Variants in MBNL2 observed in about 807,000 individuals in gnomAD.
MBNL2 encodes muscleblind-like protein 2.
In MBNL2, 17 loss-of-function variants were observed where a neutral mutation model predicts 41.9. The observed-to-expected ratio is 0.41, with a 90% CI of 0.28 to 0.61. The LOEUF is 0.61. MBNL2 is among the 20% of genes least tolerant of loss of function. MBNL2 has a pLI of 0.35. For synonymous variants in MBNL2, 195 were observed against 182.9 expected (o/e 1.07, Z -0.53); for missense variants, 336 against 505.6 (o/e 0.66, Z 3.22).
chr13:97,320,973 G>A (rs998059133), intron 2 of MBNL2, among the ~76,000 whole-genome samples: 2 of 152,060 alleles, frequency 1.3e-5, no homozygotes, highest in African/African-American at 4.8e-5. Flanking sequence ...TTCCCTCTAT[G>A]CATGGATCTC....
chr13:97,318,126 T>C (rs558940651), intron 2 of MBNL2, among the ~76,000 whole-genome samples: 13 of 152,338 alleles, frequency 8.5e-5, no homozygotes, highest in South Asian at 2.1e-4. Context: ...CTCTGTGCCT[T>C]GGTTTCCACA....
Position 97,346,801 on chromosome 13 carries a change from T to C in MBNL2, c.541-3T>C, listed in dbSNP as rs2061921439. 1.2e-6 allele frequency: 2 copies of C among 1,613,392 alleles called. No homozygotes were observed. The highest frequency in any genetic ancestry group is 1.7e-6 in the Non-Finnish European group (2 of 1,179,468). ...GCAGCGCGGCTCTTCTTCCCTGTCT[T>C]AGGTATGCAGGGAGTTCCAGCGAGG... On this transcript the variant is annotated splice_polypyrimidine_tract_variant and splice_region_variant and intron_variant, in intron 4 of 8. Coordinates refer to ENST00000679496, the MANE Select transcript of MBNL2 (RefSeq NM_001382683.1). The surrounding 1 kb of genome is among the most constrained non-coding windows in gnomAD (Gnocchi z 4.2).
At position 97,293,559 on chromosome 13, in the gene MBNL2, T is replaced by C. The variant is rs576910936; in HGVS notation, c.174+17150T>C. Among the ~76,000 whole-genome samples the C allele has an allele frequency of 1.4e-3, 207 of 152,290 alleles. 2 individuals carry two copies. Among genetic ancestry groups the C allele is most frequent in the African/African-American group, 4.9e-3 (203 of 41,578 alleles). The stretch of plus-strand genomic sequence containing the variant: ...TTATCCAAACATTAAATAATTCAAG[T>C]GCTTTGTGCCTGTAATTATTTATTT... On this transcript the variant is annotated intron_variant, in intron 2 of 8. Transcript: ENST00000679496.
chr13:97,362,593 A>T (rs2063502262), intron 7 of MBNL2, among the ~76,000 whole-genome samples: 4 of 152,160 alleles, frequency 2.6e-5, no homozygotes, highest in African/African-American at 9.7e-5. Context: ...GAGGTGTAAG[A>T]TGGCCTGGGG....
At chr13:97,160,708 A>G in the MBNL2 span, among the ~76,000 whole-genome samples, 39 of 152,180 alleles carry the variant, frequency 2.6e-4, no homozygotes, top group African/African-American at 9.2e-4. Flanking sequence ...TTAAGAATAA[A>G]CTCCTTAGAA....
chr13:97,365,676 C>T (rs60997143), intron 8 of MBNL2, among the ~76,000 whole-genome samples: 1 of 152,144 alleles, frequency 6.6e-6, no homozygotes, highest in Non-Finnish European at 1.5e-5. Flanking sequence ...ATTTTAAGTG[C>T]TGATTTATTT....
At chr13:97,149,161 A>G in the MBNL2 span, among the ~76,000 whole-genome samples, 9 of 152,204 alleles carry the variant, frequency 5.9e-5, no homozygotes, top group Admixed American at 5.9e-4. Context: ...GTGATAGGAC[A>G]AGATTCAGCC....
chr13:97,347,008 C>T lies in MBNL2; in HGVS notation c.745C>T (p.His249Tyr). The T allele has an allele frequency of 6.2e-7, 1 of 1,613,522 alleles. No homozygotes were observed. The highest frequency in any genetic ancestry group is 1.1e-5 in the South Asian group (1 of 91,080). The part of the protein sequence containing the change: ...HLQAKIKAAQ[H>Y]QANQAAVAAQ... ...GCAGGCCAAAATCAAAGCTGCGCAG[C>T]ACCAAGCCAACCAAGCTGCGGTGGC... The change falls in exon 5 of 9, where the codon CAC (histidine) becomes TAC (tyrosine). Residue 249 changes from histidine to tyrosine, a missense_variant. By Grantham distance (83) the His-to-Tyr change is moderately conservative (BLOSUM62 2). Coordinates refer to ENST00000679496, the MANE Select transcript of MBNL2 (RefSeq NM_001382683.1).
intron 2 of MBNL2, among the ~76,000 whole-genome samples, chr13:97,286,565 C>A (rs2054489477): frequency 6.6e-6 from 1 of 152,218 alleles, no homozygotes; most frequent in Non-Finnish European, 1.5e-5. Context: ...TGCTCAAAAT[C>A]TTCCAGTAGT....
intron 2 of MBNL2, among the ~76,000 whole-genome samples, chr13:97,301,685 G>C (rs775746771): frequency 6.6e-6 from 1 of 152,156 alleles, no homozygotes; most frequent in Admixed American, 6.5e-5. Flanking sequence ...CGCCAGCCCC[G>C]GGGGAAAGAA....
chr13:97,391,676 G>T lies in MBNL2; in HGVS notation c.*227G>T, dbSNP rs1205884301. 2 of 397,868 alleles carry T rather than the reference G, an allele frequency of 5.0e-6. No homozygotes were observed. The highest frequency in any genetic ancestry group is 4.2e-5 in the African/African-American group (2 of 47,536). 24.6% of individuals were successfully genotyped at this position (397,868 alleles called of 1,614,324 possible). A position where few individuals can be genotyped will look rare whatever the true frequency, so the allele number is the denominator to read the frequency against. On this transcript the variant is annotated 3_prime_UTR_variant, in exon 9 of 9. Coordinates refer to ENST00000679496, the MANE Select transcript of MBNL2 (RefSeq NM_001382683.1). ...TTGTCTTATCTCCATAACTATAGCTGATGCAGAAAGTCCAGCCAGTTTACT... is the reference window on the plus strand; with the variant it reads ...TTGTCTTATCTCCATAACTATAGCTTATGCAGAAAGTCCAGCCAGTTTACT...
the MBNL2 span, among the ~76,000 whole-genome samples, chr13:97,188,815 C>T: frequency 5.3e-5 from 8 of 152,172 alleles, no homozygotes; most frequent in African/African-American, 1.7e-4. Flanking sequence ...CACTGTCATA[C>T]TCCGTTGTCC....
At chr13:97,179,915 C>A in the MBNL2 span, among the ~76,000 whole-genome samples, 1 of 152,286 alleles carries the variant, frequency 6.6e-6, no homozygotes, top group South Asian at 2.1e-4. Flanking sequence ...GCCTTTTGTT[C>A]CCCTTATAGA....
rs11423615 is a variant in MBNL2 at position 97,287,918 on chromosome 13, GTT to G, written c.174+11518_174+11519del. Among the ~76,000 whole-genome samples the G allele has an allele frequency of 7.9e-4, 98 of 124,628 alleles. 2 individuals carry two copies. The highest frequency in any genetic ancestry group is 3.3e-3 in the African/African-American group (95 of 28,738). 81.8% of individuals were successfully genotyped at this position (124,628 alleles called of 152,430 possible). A position where few individuals can be genotyped will look rare whatever the true frequency, so the allele number is the denominator to read the frequency against. On this transcript the variant is annotated intron_variant, in intron 2 of 8. Transcript: ENST00000679496. ...TGCCACCAGGCCCGGCTAATTTTCT[GTT>G]TTTTTTTTGTTTTGTTTTGTTTTTT...
intron 2 of MBNL2, among the ~76,000 whole-genome samples, chr13:97,298,370 G>C (rs1428320798): frequency 1.3e-5 from 2 of 152,068 alleles, no homozygotes; most frequent in Non-Finnish European, 2.9e-5. Flanking sequence ...TCTCTCCCTG[G>C]AATATAAGCT....
chr13:97,145,957 C>CTCTTTCCTTT, the MBNL2 span, among the ~76,000 whole-genome samples: 1 of 143,906 alleles, frequency 6.9e-6, no homozygotes, highest in Non-Finnish European at 1.5e-5. Flanking sequence ...CAGGGTTCTA[C>CTCTTTCCTTT]TCTTTTCTTT....
chr13:97,268,383 G>T lies in MBNL2; in HGVS notation c.-604-7249G>T, dbSNP rs956724180. Among the ~76,000 whole-genome samples, 1 of 152,172 alleles carries T rather than the reference G, an allele frequency of 6.6e-6. No individual in the cohort carries two copies. Among genetic ancestry groups the T allele is most frequent in the African/African-American group, 2.4e-5 (1 of 41,438 alleles). On this transcript the variant is annotated intron_variant, in intron 1 of 8. Coordinates refer to ENST00000679496, the MANE Select transcript of MBNL2 (RefSeq NM_001382683.1). The surrounding 1 kb of genome is among the most constrained non-coding windows in gnomAD (Gnocchi z 4.6). ...TCCCAAACGCTGGGATTACAGGTGT[G>T]AGCCACTGCGCCGGGCCGAGAGTGT...
At chr13:97,362,570 G>A (rs2063500100) in intron 7 of MBNL2, among the ~76,000 whole-genome samples, 1 of 152,184 alleles carries the variant, frequency 6.6e-6, no homozygotes, top group Admixed American at 6.5e-5. Flanking sequence ...TCTGTCTGGA[G>A]CATGGTGCCA....
chr13:97,276,711 A>G (rs1350747032), intron 2 of MBNL2, among the ~76,000 whole-genome samples: 1 of 152,220 alleles, frequency 6.6e-6, no homozygotes, highest in Non-Finnish European at 1.5e-5. Flanking sequence ...TATTTTATCA[A>G]CATTTGATCT....
Sources: allele counts gnomAD v4.1 joint callset (sites outside exome capture counted in the v4.1 genomes callset), GRCh38; gene constraint gnomAD v4.1.1; non-coding constraint Gnocchi (gnomAD v3.1); transcripts MANE v1.5; gene names NCBI Gene and HGNC (gene_info 2026-07-23, HGNC 2026-07-21).